ZNF43: variants seen among roughly 807,000 people sequenced by gnomAD.
ZNF43 encodes zinc finger protein 39-like 1 (KOX 27).
A neutral mutation model predicts 68.4 loss-of-function variants in ZNF43; 44 were observed. That is an observed-to-expected ratio of 0.64 (90% CI 0.51 to 0.83). ZNF43 has a LOEUF of 0.83. Among genes scored for constraint, ZNF43 ranks in the 40% least tolerant of loss-of-function variants. ZNF43 has a pLI of 0.00. For missense variants in ZNF43, 896 were observed against 933.2 expected (o/e 0.96, Z 0.52); for synonymous variants, 308 against 307.8 (o/e 1.00, Z -0.01).
chr19:21,815,122 G>A (rs991898472), intron 3 of ZNF43, among the ~76,000 whole-genome samples: 2 of 151,712 alleles, frequency 1.3e-5, no homozygotes, highest in Admixed American at 6.6e-5. Context: ...TGGAGGGGCG[G>A]AGGTTGCAGT....
intron 1 of ZNF43, among the ~76,000 whole-genome samples, chr19:21,848,442 G>A (rs1175731248): frequency 1.3e-5 from 2 of 152,130 alleles, no homozygotes; most frequent in African/African-American, 4.8e-5. Flanking sequence ...CACCATGCCC[G>A]GCCATATGTG....
chr19:21,818,180 G>A (rs2037622982), intron 2 of ZNF43, among the ~76,000 whole-genome samples, 194 bp from the exon 3 acceptor site: 1 of 151,508 alleles, frequency 6.6e-6, no homozygotes, highest in Admixed American at 6.6e-5. Flanking sequence ...TTGGCCCCCT[G>A]CAATCTCCAC....
chr19:21,812,703 T>A (rs1326232204), intron 3 of ZNF43, among the ~76,000 whole-genome samples: 1 of 152,018 alleles, frequency 6.6e-6, no homozygotes, highest in Non-Finnish European at 1.5e-5. Flanking sequence ...TTAAACCCAG[T>A]GCTTTGGGAG....
chr19:21,833,841 A>G (rs1178254058), intron 1 of ZNF43, among the ~76,000 whole-genome samples: 1 of 151,872 alleles, frequency 6.6e-6, no homozygotes, highest in Admixed American at 6.6e-5. Flanking sequence ...CAGCGTGACC[A>G]ACATGGGGAA....
intron 1 of ZNF43, among the ~76,000 whole-genome samples, chr19:21,831,063 A>T (rs1170838340): frequency 1.3e-5 from 2 of 152,238 alleles, no homozygotes; most frequent in East Asian, 3.8e-4. Context: ...TCTTCATGTT[A>T]AAACCCTCAA....
chr19:21,818,974 T>G, intron 2 of ZNF43, 121 bp downstream of exon 2: 1 of 1,390,954 alleles, frequency 7.2e-7, no homozygotes, highest in Non-Finnish European at 9.6e-7. Flanking sequence ...CCCAATTTTT[T>G]TGAAAACAGG....
intron 1 of ZNF43, among the ~76,000 whole-genome samples, chr19:21,831,123 C>T (rs2038405077): frequency 6.6e-6 from 1 of 152,126 alleles, no homozygotes; most frequent in Non-Finnish European, 1.5e-5. Context: ...TTATCTGTCA[C>T]AAACTCAAAG....
intron 1 of ZNF43, among the ~76,000 whole-genome samples, chr19:21,832,101 A>G (rs2145319685): frequency 6.6e-6 from 1 of 152,268 alleles, no homozygotes; most frequent in South Asian, 2.1e-4. Context: ...AAAGAACAAA[A>G]CTGGAAGCAG....
chr19:21,840,888 G>A (rs555607885), upstream of ZNF43: 3 of 152,196 alleles, frequency 2.0e-5, no homozygotes, highest in Non-Finnish European at 4.4e-5. Flanking sequence ...GCTGGGTCTA[G>A]AGAAAAGAGT....
chr19:21,832,554 T>G (rs1272026395), intron 1 of ZNF43, among the ~76,000 whole-genome samples: 1 of 152,108 alleles, frequency 6.6e-6, no homozygotes, highest in Non-Finnish European at 1.5e-5. Flanking sequence ...CTACAGAGCT[T>G]CTGCACAGCA....
intron 1 of ZNF43, among the ~76,000 whole-genome samples, chr19:21,822,217 A>C (rs1568364238): frequency 6.6e-6 from 1 of 152,266 alleles, no homozygotes; most frequent in Non-Finnish European, 1.5e-5. Flanking sequence ...TGCTACAGTA[A>C]TGGAAATATG....
In ZNF43 at chr19:21,808,924, T is replaced by C; in HGVS notation, c.1113A>G (p.Lys371=). Residue 371 remains lysine, a synonymous_variant, in exon 4 of 4, where the codon AAA becomes AAG. Transcript: ENST00000354959. The part of the protein sequence containing the change: ...KRIHTAEKFY[K]CTECGEAFSR... ...TAAAAGCTTCACCACATTCTGTACATTTATAGAATTTCTCTGCAGTATGGA... is the reference window on the plus strand; with the variant it reads ...TAAAAGCTTCACCACATTCTGTACACTTATAGAATTTCTCTGCAGTATGGA... 6.2e-7 allele frequency: 1 copy of C among 1,613,686 alleles called. No individual in the cohort carries two copies. The highest frequency in any genetic ancestry group is 8.5e-7 in the Non-Finnish European group (1 of 1,179,810).
At chr19:21,812,252 G>A (rs146671663) in intron 3 of ZNF43, among the ~76,000 whole-genome samples, 139 of 152,086 alleles carry the variant, frequency 9.1e-4, no homozygotes, top group African/African-American at 2.9e-3. Context: ...TCGGCCTCCC[G>A]AGTAGCTGGG....
In ZNF43 at chr19:21,807,866, T is replaced by A. The variant is rs763246880; in HGVS notation, c.2171A>T (p.His724Leu). Residue 724 changes from histidine to leucine, a missense_variant, in exon 4 of 4, where the codon CAT (histidine) becomes CTT (leucine). Coordinates refer to ENST00000354959, the MANE Select transcript of ZNF43 (RefSeq NM_003423.4). ...AFNRSSNLIE[H>L]KKIHTGEQPY... Reference sequence around the variant, plus strand: ...TTGCTCTCCAGTATGAATTTTCTTATGTTCAATAAGGTTTGAGGATCGGTT... The same window carrying A: ...TTGCTCTCCAGTATGAATTTTCTTAAGTTCAATAAGGTTTGAGGATCGGTT... The A allele has an allele frequency of 6.2e-7, 1 of 1,613,352 alleles. No individual in the cohort carries two copies. Among genetic ancestry groups the A allele is most frequent in the East Asian group, 2.2e-5 (1 of 44,812 alleles).
chr19:21,850,296 G>T (rs1968259444), intron 1 of ZNF43, among the ~76,000 whole-genome samples: 1 of 145,814 alleles, frequency 6.9e-6, no homozygotes, highest in Non-Finnish European at 1.5e-5. Context: ...GACACGGTGG[G>T]TCACACCTGT....
At position 21,808,026 on chromosome 19, in the gene ZNF43, T is replaced by A. The variant is rs2037042435; in HGVS notation, c.2011A>T (p.Ile671Phe). The A allele has an allele frequency of 1.2e-6, 2 of 1,612,796 alleles. No homozygotes were observed. The highest frequency in any genetic ancestry group is 1.7e-6 in the Non-Finnish European group (2 of 1,179,918). ...TTGTAGGGTTTCTCTCCAGTATGAATTATCTTATGTTTAGTAAGGGTTGAG... is the reference window on the plus strand; with the variant it reads ...TTGTAGGGTTTCTCTCCAGTATGAAATATCTTATGTTTAGTAAGGGTTGAG... ...WSSTLTKHKIIHTGEKPYKCE... is the reference protein window; with the variant it reads ...WSSTLTKHKIFHTGEKPYKCE... The change falls in exon 4 of 4, where the codon ATT (isoleucine) becomes TTT (phenylalanine). Residue 671 changes from isoleucine (I) to phenylalanine (F), a missense_variant. Transcript: ENST00000354959.
intron 3 of ZNF43, among the ~76,000 whole-genome samples, chr19:21,811,344 G>A (rs566083163): frequency 2.0e-5 from 3 of 152,156 alleles, no homozygotes; most frequent in East Asian, 3.9e-4. Flanking sequence ...AGACCAGCCT[G>A]GGCAACATGG....
chr19:21,832,290 T>C (rs1036460698), intron 1 of ZNF43, among the ~76,000 whole-genome samples: 1 of 152,206 alleles, frequency 6.6e-6, no homozygotes, highest in Non-Finnish European at 1.5e-5. Context: ...AAAAAATTTC[T>C]ATTTAATAAA....
intron 1 of ZNF43, among the ~76,000 whole-genome samples, chr19:21,822,288 T>G (rs141392941): frequency 1.0e-3 from 153 of 152,008 alleles, no homozygotes; most frequent in Non-Finnish European, 1.7e-3. Flanking sequence ...CACCCTTTAG[T>G]GCAAAGTAAA....
Sources: gnomAD v4.1 joint callset for allele counts (sites outside exome capture counted in the v4.1 genomes callset) on GRCh38, gnomAD v4.1.1 for gene constraint, MANE v1.5 for transcripts, NCBI Gene and HGNC (gene_info 2026-07-23, HGNC 2026-07-21) for gene names.